The following SHISA6 variants were observed in gnomAD, a reference collection of about 807,000 sequenced individuals.
SHISA6 encodes the protein protein shisa-6.
In SHISA6, 22 loss-of-function variants were observed where a neutral mutation model predicts 47.9. The observed-to-expected ratio is 0.46, with a 90% CI of 0.33 to 0.66. The LOEUF (loss-of-function observed/expected upper bound fraction) is 0.66, where lower values mean the gene tolerates loss of function less well. SHISA6 is among the 30% of genes least tolerant of loss of function. The pLI, the probability that SHISA6 is intolerant of heterozygous loss-of-function variation, is 0.02. For missense variants in SHISA6, 680 were observed against 764.6 expected, an observed-to-expected ratio of 0.89 and a Z score of 1.30; for synonymous variants, 388 against 337.8, an observed-to-expected ratio of 1.15 and a Z score of -1.63.
At chr17:11,463,341 T>C (rs1342511286) in intron 3 of SHISA6, among the ~76,000 whole-genome samples, 1 of 152,226 alleles carries the variant, frequency 6.6e-6, no homozygotes, top group African/African-American at 2.4e-5. Context: ...CTTTATTAAA[T>C]GATCACCACT....
intron 2 of SHISA6, among the ~76,000 whole-genome samples, chr17:11,310,657 C>T (rs1458132233): frequency 6.6e-6 from 1 of 152,132 alleles, no homozygotes; most frequent in African/African-American, 2.4e-5. Flanking sequence ...AAGGAACAGA[C>T]AAGATCATAT....
intron 2 of SHISA6, among the ~76,000 whole-genome samples, chr17:11,286,621 G>A (rs542894852): frequency 2.4e-4 from 37 of 152,228 alleles, no homozygotes; most frequent in African/African-American, 7.5e-4. Flanking sequence ...GGGGAATCAC[G>A]GAAAGATTTT....
chr17:11,330,524 G>A (rs148808132), intron 2 of SHISA6, among the ~76,000 whole-genome samples: 235 of 146,110 alleles, frequency 1.6e-3, no homozygotes, highest in African/African-American at 5.8e-3. Context: ...GAAGATTATA[G>A]ATAGGAAAGA....
chr17:11,326,484 G>A (rs977492767), intron 2 of SHISA6, among the ~76,000 whole-genome samples: 5 of 152,170 alleles, frequency 3.3e-5, no homozygotes, highest in Admixed American at 3.3e-4. Context: ...GGAACCAATA[G>A]GCAGTGAATT....
intron 2 of SHISA6, among the ~76,000 whole-genome samples, chr17:11,300,686 T>C (rs1007480687): frequency 4.0e-5 from 6 of 150,144 alleles, no homozygotes; most frequent in African/African-American, 1.5e-4. Context: ...TTTTTTTTTG[T>C]AATTCAGTGA....
chr17:11,304,232 G>A (rs902587472), intron 2 of SHISA6, among the ~76,000 whole-genome samples: 16 of 152,208 alleles, frequency 1.1e-4, no homozygotes, highest in African/African-American at 3.6e-4. Context: ...GTCAGTGCCT[G>A]GAGTTGGACG....
intron 2 of SHISA6, among the ~76,000 whole-genome samples, chr17:11,351,557 G>A (rs1911893437): frequency 6.6e-6 from 1 of 152,056 alleles, no homozygotes; most frequent in African/African-American, 2.4e-5. Context: ...CTATTTTGTT[G>A]CTTCTATTAT....
intron 3 of SHISA6, among the ~76,000 whole-genome samples, chr17:11,464,652 G>T (rs1915766613): frequency 6.6e-6 from 1 of 152,094 alleles, no homozygotes; most frequent in Non-Finnish European, 1.5e-5. Flanking sequence ...CAAGCCAAAA[G>T]AAATCCCTGG....
intron 2 of SHISA6, among the ~76,000 whole-genome samples, chr17:11,264,983 T>C (rs1258700402): frequency 6.6e-6 from 1 of 152,212 alleles, no homozygotes; most frequent in Admixed American, 6.5e-5. Flanking sequence ...AAGGTAAAGA[T>C]GAGGGCTCCA....
At chr17:11,249,283 C>CGTGTGTGT (rs749579629) in intron 1 of SHISA6, among the ~76,000 whole-genome samples, 1 of 150,734 alleles carries the variant, frequency 6.6e-6, no homozygotes, top group African/African-American at 2.4e-5. Flanking sequence ...ATCCAGTGGC[C>CGTGTGTGT]GTGTGTGTGT....
chr17:11,480,573 A>C (rs1323519176), intron 3 of SHISA6, among the ~76,000 whole-genome samples: 1 of 152,138 alleles, frequency 6.6e-6, no homozygotes, highest in Non-Finnish European at 1.5e-5. Context: ...TACTGTTTTC[A>C]GTGATGGGGT....
chr17:11,500,580 G>A (rs2071442847), intron 3 of SHISA6, among the ~76,000 whole-genome samples: 1 of 152,176 alleles, frequency 6.6e-6, no homozygotes, highest in African/African-American at 2.4e-5. Flanking sequence ...TTAAACCATA[G>A]TTTTCCTGGT....
intron 2 of SHISA6, among the ~76,000 whole-genome samples, chr17:11,274,878 C>T (rs1436628867): frequency 3.3e-5 from 5 of 152,038 alleles, no homozygotes; most frequent in Admixed American, 6.5e-5. Flanking sequence ...TGATCATCAC[C>T]AAGTGCTTGA....
intron 2 of SHISA6, among the ~76,000 whole-genome samples, chr17:11,341,712 A>G (rs1911536698): frequency 6.6e-6 from 1 of 152,146 alleles, no homozygotes; most frequent in Non-Finnish European, 1.5e-5. Context: ...TGGAGCTGCA[A>G]TTTTAATGCC....
At chr17:11,518,695 C>T (rs1180668432) in intron 3 of SHISA6, among the ~76,000 whole-genome samples, 1 of 152,180 alleles carries the variant, frequency 6.6e-6, no homozygotes, top group South Asian at 2.1e-4. Flanking sequence ...GCCCAGACCC[C>T]ATCCAAGACC....
chr17:11,274,085 A>T (rs1273020372), intron 2 of SHISA6, among the ~76,000 whole-genome samples: 1 of 152,164 alleles, frequency 6.6e-6, no homozygotes, highest in East Asian at 1.9e-4. Flanking sequence ...AGCTGTGCCC[A>T]ACTTGTCCCA....
rs116825350 is a variant in SHISA6 at position 11,313,064 on chromosome 17, A to G, written c.799+49538A>G. On this transcript the variant is annotated intron_variant, in intron 2 of 5. Transcript: ENST00000441885. ...ACCAACTCCTCTAAAAAATATTCTT[A>G]AATATTTAACTACAGACTTGTGTAA... Among the ~76,000 whole-genome samples, 1,188 of 152,322 alleles carry G rather than the reference A, an allele frequency of 7.8e-3. 16 individuals are homozygous for G. The highest frequency in any genetic ancestry group is 0.027 in the African/African-American group (1,130 of 41,568).
At chr17:11,295,448 G>T (rs956459905) in intron 2 of SHISA6, among the ~76,000 whole-genome samples, 25 of 152,136 alleles carry the variant, frequency 1.6e-4, no homozygotes, top group Admixed American at 1.6e-3. Context: ...TAACAAACAT[G>T]CCCACATTCC....
At chr17:11,549,056 C>T (rs1012083508) in intron 3 of SHISA6, among the ~76,000 whole-genome samples, 9 of 152,158 alleles carry the variant, frequency 5.9e-5, no homozygotes, top group Non-Finnish European at 1.3e-4. Context: ...ACACAATTGT[C>T]ATTCTGCATA....
Sources: allele counts gnomAD v4.1 joint callset (sites outside exome capture counted in the v4.1 genomes callset), GRCh38; gene constraint gnomAD v4.1.1; transcripts MANE v1.5; gene names NCBI Gene and HGNC (gene_info 2026-07-23, HGNC 2026-07-21).